FBN1: variants seen among roughly 807,000 people sequenced by gnomAD.
FBN1 encodes fibrillin-1.
Under a neutral mutation model 365.1 loss-of-function variants are expected in FBN1, and 29 were observed. The ratio of observed to expected loss-of-function variants is 0.08; its 90% confidence interval spans 0.06 to 0.11. FBN1 has a LOEUF of 0.11. Among genes scored for constraint, FBN1 ranks in the 10% least tolerant of loss-of-function variants. The pLI is 1.00. For missense variants in FBN1, 2,476 were observed against 3,703.2 expected, an observed-to-expected ratio of 0.67 and a Z score of 8.60; for synonymous variants, 1,210 against 1,270.5, an observed-to-expected ratio of 0.95 and a Z score of 1.01.
chr15:48,594,665 T>C (rs2044503677), intron 6 of FBN1, among the ~76,000 whole-genome samples: 1 of 152,222 alleles, frequency 6.6e-6, no homozygotes, highest in East Asian at 1.9e-4. Context: ...TTAGACTGTG[T>C]TATCATCAAT....
chr15:48,460,653 C>G (rs1008779639), intron 42 of FBN1, among the ~76,000 whole-genome samples: 2 of 152,056 alleles, frequency 1.3e-5, no homozygotes, highest in Admixed American at 1.3e-4. Flanking sequence ...AAGAGTGCCT[C>G]TCTCTACTCT....
intron 6 of FBN1, among the ~76,000 whole-genome samples, chr15:48,591,665 C>T (rs1207232435): frequency 1.3e-5 from 2 of 152,174 alleles, no homozygotes; most frequent in African/African-American, 4.8e-5. Context: ...TTCTAAGATT[C>T]ATAGTTCTAG....
At position 48,514,440 on chromosome 15, in the gene FBN1, A is replaced by G. The variant is rs142133006; in HGVS notation, c.1469-772T>C. On this transcript the variant is annotated intron_variant, in intron 12 of 65. Transcript: ENST00000316623. ...GGAAATTAAATAGTTTGGGAAAGTA[A>G]GAACTCATCATTTCTGACAAATCAT... 4.2e-3 allele frequency among the ~76,000 whole-genome samples: 646 copies of G among 152,342 alleles called. 5 individuals carry two copies. Among genetic ancestry groups the G allele is most frequent in the Non-Finnish European group, 6.8e-3 (465 of 68,026 alleles).
At chr15:48,435,812 A>G (rs2413904) in intron 53 of FBN1, among the ~76,000 whole-genome samples, 9,701 of 117,092 alleles carry the variant, frequency 0.083, 627 homozygotes, top group East Asian at 0.34. Flanking sequence ...GTGTGTGTGT[A>G]TATATGCCTT....
intron 6 of FBN1, among the ~76,000 whole-genome samples, chr15:48,553,708 G>T (rs1365181606): frequency 1.3e-5 from 2 of 151,932 alleles, no homozygotes; most frequent in Non-Finnish European, 2.9e-5. Context: ...AATTTCAAAA[G>T]ATTCATCCAG....
chr15:48,429,311 T>C (rs943254003), intron 56 of FBN1, among the ~76,000 whole-genome samples: 3 of 152,240 alleles, frequency 2.0e-5, no homozygotes, highest in African/African-American at 7.2e-5. Context: ...ACCTAGATTA[T>C]ATCTCCAATA....
intron 2 of FBN1, among the ~76,000 whole-genome samples, chr15:48,624,367 G>A (rs1456697465): frequency 6.6e-6 from 1 of 152,198 alleles, no homozygotes; most frequent in African/African-American, 2.4e-5. Flanking sequence ...GCAATGATTT[G>A]AATAACTTGC....
At chr15:48,631,058 A>G (rs1202969197) in intron 2 of FBN1, among the ~76,000 whole-genome samples, 1 of 152,200 alleles carries the variant, frequency 6.6e-6, no homozygotes, top group Non-Finnish European at 1.5e-5. Flanking sequence ...GAACTCTACG[A>G]AAGCTATGCC....
chr15:48,440,559 C>A (rs1416890168), intron 50 of FBN1, among the ~76,000 whole-genome samples: 1 of 152,202 alleles, frequency 6.6e-6, no homozygotes, highest in African/African-American at 2.4e-5. Flanking sequence ...ACACAGACCA[C>A]TGACAACTAC....
chr15:48,482,180 T>C (rs1306027199), intron 31 of FBN1, among the ~76,000 whole-genome samples: 1 of 152,230 alleles, frequency 6.6e-6, no homozygotes. Flanking sequence ...ACTGGTTGTC[T>C]TAGTGTAAGT....
At chr15:48,591,614 A>G (rs886967666) in intron 6 of FBN1, among the ~76,000 whole-genome samples, 2 of 152,250 alleles carry the variant, frequency 1.3e-5, no homozygotes, top group African/African-American at 4.8e-5. Context: ...ATCCAAGAAT[A>G]TGCAAGAATC....
In FBN1 at chr15:48,426,338, G is replaced by A. The variant is rs140754931; in HGVS notation, c.7205-474C>T. On this transcript the variant is annotated intron_variant, in intron 58 of 65. Transcript: ENST00000316623. The stretch of plus-strand genomic sequence containing the variant: ...TGTTTTTTGTTTTTACATTATTTTT[G>A]TTGTCTTTGTGGTTAATCCTGAAAA... Among the ~76,000 whole-genome samples the A allele has an allele frequency of 4.2e-3, 642 of 152,090 alleles. 5 individuals carry two copies. The highest frequency in any genetic ancestry group is 6.8e-3 in the Middle Eastern group (2 of 294).
At chr15:48,550,926 A>C (rs2044136028) in intron 6 of FBN1, among the ~76,000 whole-genome samples, 1 of 152,166 alleles carries the variant, frequency 6.6e-6, no homozygotes, top group African/African-American at 2.4e-5. Flanking sequence ...ATGGCCTAGA[A>C]TATCCCCATG....
intron 2 of FBN1, among the ~76,000 whole-genome samples, chr15:48,640,445 T>A (rs931494329): frequency 3.9e-5 from 6 of 152,304 alleles, no homozygotes; most frequent in Non-Finnish European, 7.4e-5. Flanking sequence ...AGTCTTAAAG[T>A]CCCCTTTATA....
chr15:48,510,982 CCT>C (rs2043754330), intron 13 of FBN1, among the ~76,000 whole-genome samples: 1 of 152,148 alleles, frequency 6.6e-6, no homozygotes, highest in South Asian at 2.1e-4. Flanking sequence ...TGAACACAAA[CCT>C]CTTTGTCTAC....
intron 50 of FBN1, among the ~76,000 whole-genome samples, chr15:48,440,752 T>C (rs1353011361): frequency 2.0e-5 from 3 of 152,272 alleles, no homozygotes; most frequent in Admixed American, 1.3e-4. Flanking sequence ...TTGTTTAAAA[T>C]GAGGAAATTG....
intron 40 of FBN1, among the ~76,000 whole-genome samples, chr15:48,465,247 G>T (rs2043310996): frequency 6.6e-6 from 1 of 152,162 alleles, no homozygotes; most frequent in South Asian, 2.1e-4. Context: ...CACTGAAATT[G>T]GACCTGTGCC....
intron 63 of FBN1, 134 bp downstream of exon 63, chr15:48,420,553 T>C: frequency 8.5e-7 from 1 of 1,171,062 alleles, no homozygotes. Flanking sequence ...ACCTCGGGTT[T>C]CAACCAGGTT....
At chr15:48,643,559 G>A (rs1890236657) in intron 2 of FBN1, 1 of 152,108 alleles carries the variant, frequency 6.6e-6, no homozygotes, top group African/African-American at 2.4e-5. Context: ...AAGAGTAAGT[G>A]AAATGAACAG....
Sources: allele counts gnomAD v4.1 joint callset (sites outside exome capture counted in the v4.1 genomes callset), GRCh38; gene constraint gnomAD v4.1.1; transcripts MANE v1.5; gene names NCBI Gene and HGNC (gene_info 2026-07-23, HGNC 2026-07-21).